H6PD: variants seen among roughly 807,000 people sequenced by gnomAD.
The protein encoded by H6PD is hexose-6-phosphate dehydrogenase/glucose 1-dehydrogenase, also known as GDH/6PGL endoplasmic bifunctional protein.
H6PD carries 48 observed loss-of-function variants against 61.2 expected under a neutral mutation model. That is an observed-to-expected ratio of 0.78 (90% confidence interval 0.62 to 1.00). H6PD has a LOEUF of 1.00. H6PD is among the 50% of genes least tolerant of loss of function. The pLI is 0.00. For missense variants in H6PD, 1,093 were observed against 1,065.0 expected (o/e 1.03, Z -0.37); for synonymous variants, 480 against 457.9 (o/e 1.05, Z -0.62).
intron 1 of H6PD, chr1:9,239,810 C>A: frequency 2.5e-6 from 1 of 394,354 alleles, no homozygotes. Flanking sequence ...GTCTGCTGGG[C>A]ATAGAGGATT....
chr1:9,268,749 C>T lies in H6PD; in HGVS notation c.*3880C>T, dbSNP rs3207316. On this transcript the variant is annotated 3_prime_UTR_variant, in exon 5 of 5. Transcript: ENST00000377403. ...TTGGCCTACTATTCCAGACTAGTCC[C>T]TCGAGGGGTTCCCTTCCAAAATATG... The T allele has an allele frequency of 0.19, 28,476 of 152,182 alleles. 2,751 individuals carry two copies. Among genetic ancestry groups the T allele is most frequent in the Middle Eastern group, 0.23 (68 of 294 alleles). 9.4% of individuals were successfully genotyped at this position (152,182 alleles called of 1,614,324 possible).
intron 3 of H6PD, among the ~76,000 whole-genome samples, chr1:9,253,810 A>G (rs74053625): frequency 6.6e-6 from 1 of 152,338 alleles, no homozygotes; most frequent in African/African-American, 2.4e-5. Flanking sequence ...CTTTATTTCA[A>G]ATGGGAACAG....
At chr1:9,241,401 A>G (rs1057423202) in intron 1 of H6PD, among the ~76,000 whole-genome samples, 8 of 151,540 alleles carry the variant, frequency 5.3e-5, no homozygotes, top group Non-Finnish European at 1.2e-4. Context: ...TTATTTATTT[A>G]TTTTATTTAT....
intron 1 of H6PD, among the ~76,000 whole-genome samples, 193 bp from the exon 2 acceptor site, chr1:9,244,732 C>A (rs1641107601): frequency 6.6e-6 from 1 of 152,236 alleles, no homozygotes; most frequent in African/African-American, 2.4e-5. Flanking sequence ...ACAGGGCAGG[C>A]TCCCTACCCA....
chr1:9,240,667 T>C (rs1431016087), intron 1 of H6PD, among the ~76,000 whole-genome samples: 1 of 152,194 alleles, frequency 6.6e-6, no homozygotes, highest in Non-Finnish European at 1.5e-5. Flanking sequence ...GATTTTCTCA[T>C]TGATTTGTTA....
At position 9,264,233 on chromosome 1, in the gene H6PD, G is replaced by A. The variant is rs112516051; in HGVS notation, c.1740G>A (p.Arg580=). ...DIEATAVRAV[R]RFGQFHLALS... is the part of the protein sequence containing the mutation. The stretch of plus-strand genomic sequence containing the variant: ...AGGCCACCGCTGTGCGAGCCGTGCG[G>A]CGCTTTGGCCAGTTCCACCTGGCAC... Residue 580 remains arginine, a synonymous_variant, in exon 5 of 5, where the codon CGG becomes CGA. Coordinates refer to ENST00000377403, the MANE Select transcript of H6PD (RefSeq NM_004285.4). 2.2e-5 allele frequency: 35 copies of A among 1,610,492 alleles called. No homozygotes were observed. The highest frequency in any genetic ancestry group is 3.3e-4 in the Middle Eastern group (2 of 6,078).
At position 9,264,975 on chromosome 1, in the gene H6PD, A is replaced by G. The variant is rs1638508098; in HGVS notation, c.*106A>G. The G allele has an allele frequency of 8.1e-7, 1 of 1,233,854 alleles. No homozygotes were observed. Among genetic ancestry groups the G allele is most frequent in the Non-Finnish European group, 1.2e-6 (1 of 863,180 alleles). The allele number at this position is 1,233,854 out of a possible 1,614,324, so 76.4% of individuals were successfully genotyped here. A position where few individuals can be genotyped will look rare whatever the true frequency, so the allele number is the denominator to read the frequency against. On this transcript the variant is annotated 3_prime_UTR_variant, in exon 5 of 5. Coordinates refer to ENST00000377403, the MANE Select transcript of H6PD (RefSeq NM_004285.4). Reference sequence around the variant, plus strand: ...GCCCAGCGTGCCCTGGCTCTCCAGAACCTTCTATCCCACAGTCAGGCCCCA... The same window carrying G: ...GCCCAGCGTGCCCTGGCTCTCCAGAGCCTTCTATCCCACAGTCAGGCCCCA...
chr1:9,259,372 C>T (rs1024111300), intron 3 of H6PD, among the ~76,000 whole-genome samples: 9 of 152,136 alleles, frequency 5.9e-5, no homozygotes, highest in African/African-American at 1.7e-4. Context: ...ACCATTGTTG[C>T]GCCAGTGTTG....
intron 1 of H6PD, among the ~76,000 whole-genome samples, chr1:9,243,782 C>G (rs1403896256): frequency 6.6e-6 from 1 of 151,212 alleles, no homozygotes; most frequent in Non-Finnish European, 1.5e-5. Flanking sequence ...GCCACTGGCC[C>G]AGACACTGTT....
Position 9,263,709 on chromosome 1 carries a change from G to A in H6PD, c.1216G>A (p.Asp406Asn), listed in dbSNP as rs201340516. 1.4e-4 allele frequency: 232 copies of A among 1,613,970 alleles called. 1 individual carries two copies. In the Middle Eastern group the frequency reaches 1.6e-3, roughly 11 times the overall value. ...RQLVFHIGHG[D>N]LGSPAVLVSR... ...GCTCGTCTTCCACATCGGCCATGGC[G>A]ACCTGGGCAGCCCTGCCGTGCTGGT... The change falls in exon 5 of 5, where the codon GAC becomes AAC. Residue 406 changes from aspartate (D) to asparagine (N), a missense_variant. By Grantham distance (23) the Asp-to-Asn change is conservative. Coordinates refer to ENST00000377403, the MANE Select transcript of H6PD (RefSeq NM_004285.4).
Position 9,264,148 on chromosome 1 carries a change from A to G in H6PD, c.1655A>G (p.Glu552Gly). Residue 552 changes from glutamate (E) to glycine (G), a missense_variant, in exon 5 of 5, where the codon GAG becomes GGG. Coordinates refer to ENST00000377403, the MANE Select transcript of H6PD (RefSeq NM_004285.4). ...CAGGTCCTCAGGGCCAAGTACCGAGAGAGCCCGCTGGTCTCCGCCTGGTCC... is the reference window on the plus strand; with the variant it reads ...CAGGTCCTCAGGGCCAAGTACCGAGGGAGCCCGCTGGTCTCCGCCTGGTCC... The part of the protein sequence containing the change: ...DFQVLRAKYR[E>G]SPLVSAWSEE... 1 of 1,613,478 alleles carries G rather than the reference A, an allele frequency of 6.2e-7. No homozygotes were observed. The highest frequency in any genetic ancestry group is 8.5e-7 in the Non-Finnish European group (1 of 1,179,694).
intron 3 of H6PD, among the ~76,000 whole-genome samples, chr1:9,247,588 C>T (rs959868925): frequency 2.0e-5 from 3 of 152,184 alleles, no homozygotes; most frequent in Admixed American, 1.3e-4. Context: ...ACACACCTCC[C>T]TCCCCTGCCC....
At chr1:9,260,516 C>T (rs111163308) in intron 3 of H6PD, among the ~76,000 whole-genome samples, 4,455 of 152,074 alleles carry the variant, frequency 0.029, 75 homozygotes, top group Non-Finnish European at 0.042. Flanking sequence ...GCTGTTGTTA[C>T]ACCAGTGTTG....
Position 9,264,765 on chromosome 1 carries a change from G to A in H6PD, c.2272G>A (p.Val758Met). The stretch of plus-strand genomic sequence containing the variant: ...GATGAAGCGTGAGATCACCACGCTG[G>A]TGAGCCGGGTGGGCCATGAGCCCAA... The part of the protein sequence containing the change: ...GRMKREITTL[V>M]SRVGHEPKKW... The change falls in exon 5 of 5, where the codon GTG becomes ATG. Residue 758 changes from valine to methionine, a missense_variant. By Grantham distance (21) the Val-to-Met change is conservative (BLOSUM62 1). Transcript: ENST00000377403. 6.2e-7 allele frequency: 1 copy of A among 1,613,154 alleles called. No individual in the cohort carries two copies. Among genetic ancestry groups the A allele is most frequent in the Non-Finnish European group, 8.5e-7 (1 of 1,179,992 alleles).
At chr1:9,260,843 G>T (rs1638244693) in intron 3 of H6PD, among the ~76,000 whole-genome samples, 1 of 151,840 alleles carries the variant, frequency 6.6e-6, no homozygotes, top group Non-Finnish European at 1.5e-5. Flanking sequence ...GCGCCTGGGG[G>T]TCTTCAGCCT....
rs1004933471 is a variant in H6PD, at chr1:9,269,949, A to C, written c.*5080A>C. The C allele has an allele frequency of 1.3e-5, 2 of 152,562 alleles. No homozygotes were observed. Among genetic ancestry groups the C allele is most frequent in the South Asian group, 4.1e-4 (2 of 4,838 alleles). 9.5% of individuals were successfully genotyped at this position (152,562 alleles called of 1,614,324 possible). A position where few individuals can be genotyped will look rare whatever the true frequency, so the allele number is the denominator to read the frequency against. ...GCAGCTTGTTGCTGAGCAAGGTGCAACCGGGCTCATGCTGTCATCAGCACA... is the reference window on the plus strand; with the variant it reads ...GCAGCTTGTTGCTGAGCAAGGTGCACCCGGGCTCATGCTGTCATCAGCACA... On this transcript the variant is annotated 3_prime_UTR_variant, in exon 5 of 5. Coordinates refer to ENST00000377403, the MANE Select transcript of H6PD (RefSeq NM_004285.4). This position sits in a 1 kb window ranked among gnomAD's most constrained non-coding sequence, Gnocchi z 4.3.
rs541405188 is a variant in H6PD at position 9,262,506 on chromosome 1, A to T, written c.1015+178A>T. On this transcript the variant is annotated intron_variant, in intron 4 of 4. Transcript: ENST00000377403. ...TGGCCTCCTACCAGCCTAAAGTGGCAGGCCAGCTGGTGGTGCCCTCAGGGC... is the reference window on the plus strand; with the variant it reads ...TGGCCTCCTACCAGCCTAAAGTGGCTGGCCAGCTGGTGGTGCCCTCAGGGC... Among the ~76,000 whole-genome samples the T allele has an allele frequency of 3.9e-5, 6 of 152,368 alleles. 1 individual carries two copies. Among genetic ancestry groups the T allele is most frequent in the Admixed American group, 1.3e-4 (2 of 15,308 alleles).
At chr1:9,257,966 C>T (rs936026012) in intron 3 of H6PD, among the ~76,000 whole-genome samples, 1 of 152,254 alleles carries the variant, frequency 6.6e-6, no homozygotes. Context: ...CAGTGCTCAC[C>T]GGGGTTCAGC....
At chr1:9,259,625 T>C (rs1416219475) in intron 3 of H6PD, among the ~76,000 whole-genome samples, 2 of 152,298 alleles carry the variant, frequency 1.3e-5, no homozygotes, top group East Asian at 1.9e-4. Context: ...TGGTGTTATA[T>C]TGCTGTTATT....
Sources: gnomAD v4.1 joint callset for allele counts (sites outside exome capture counted in the v4.1 genomes callset) on GRCh38, gnomAD v4.1.1 for gene constraint, Gnocchi (gnomAD v3.1) non-coding constraint, MANE v1.5 for transcripts, NCBI Gene and HGNC (gene_info 2026-07-23, HGNC 2026-07-21) for gene names.